PCDHGB1: variants seen among roughly 807,000 people sequenced by gnomAD.
The protein encoded by PCDHGB1 is protocadherin gamma-B1.
PCDHGB1 carries 34 observed loss-of-function variants against 56.6 expected under a neutral mutation model. That is an observed-to-expected ratio of 0.60 (90% CI 0.46 to 0.80). The LOEUF is 0.80. Among genes scored for constraint, PCDHGB1 ranks in the 30% least tolerant of loss-of-function variants. The probability of loss-of-function intolerance (pLI) is 0.00; values close to 1 mark genes in which losing one functional copy is unlikely to be tolerated. For missense variants in PCDHGB1, 1,278 were observed against 1,204.6 expected (o/e 1.06, Z -0.90); for synonymous variants, 561 against 505.9 (o/e 1.11, Z -1.46).
At chr5:141,366,037 A>G (rs1276608872) in intron 1 of PCDHGB1, 1 of 1,614,112 alleles carries the variant, frequency 6.2e-7, no homozygotes, top group African/African-American at 1.3e-5. Flanking sequence ...CCCTCCCCAC[A>G]GACGGTTCCA....
At chr5:141,368,798 C>T (rs1477388914) in intron 1 of PCDHGB1, among the ~76,000 whole-genome samples, 3 of 152,096 alleles carry the variant, frequency 2.0e-5, no homozygotes, top group Non-Finnish European at 4.4e-5. Flanking sequence ...ATTTTTCATA[C>T]TAATTGAAGT....
chr5:141,437,484 T>C (rs547317864), intron 1 of PCDHGB1, among the ~76,000 whole-genome samples: 2 of 152,332 alleles, frequency 1.3e-5, no homozygotes, highest in South Asian at 4.1e-4. Flanking sequence ...ATATTTAATC[T>C]CGTAGATCAC....
chr5:141,460,128 T>C (rs10051366), intron 1 of PCDHGB1, among the ~76,000 whole-genome samples: 42,386 of 151,808 alleles, frequency 0.28, 6,635 homozygotes, highest in African/African-American at 0.43. Context: ...ATATGTAATA[T>C]ATATATTCTT....
chr5:141,375,160 T>G (rs373409677), intron 1 of PCDHGB1: 1 of 1,613,854 alleles, frequency 6.2e-7, no homozygotes, highest in African/African-American at 1.3e-5. Flanking sequence ...TTGCTGAAAG[T>G]GCACCTCCAG....
Position 141,437,685 on chromosome 5 carries a change from G to A in PCDHGB1, c.2410-57122G>A, listed in dbSNP as rs116699614. ...GAAGAGATGTTGATCAAACTGATGA[G>A]GCTAAATCTCAAGAAAGAGACACAG... On this transcript the variant is annotated intron_variant, in intron 1 of 3. Coordinates refer to ENST00000523390, the MANE Select transcript of PCDHGB1 (RefSeq NM_018922.3). Among the ~76,000 whole-genome samples the A allele has an allele frequency of 1.0e-2, 1,519 of 151,976 alleles. 34 individuals carry two copies. The highest frequency in any genetic ancestry group is 0.034 in the African/African-American group (1,425 of 41,440).
Position 141,432,804 on chromosome 5 carries a change from C to T in PCDHGB1, c.2410-62003C>T, listed in dbSNP as rs1482036720. The T allele has an allele frequency of 1.2e-6, 2 of 1,614,182 alleles. No individual in the cohort carries two copies. Among genetic ancestry groups the T allele is most frequent in the Non-Finnish European group, 1.7e-6 (2 of 1,180,008 alleles). ...GACCTCGGCAGCCTCGAGTCTCCAG[C>T]TAACTCTGAAACCTCAGACCTCACT... is the stretch of plus-strand genomic sequence containing the variant. On this transcript the variant is annotated intron_variant, in intron 1 of 3. Transcript: ENST00000523390. This position sits in a 1 kb window ranked among gnomAD's most constrained non-coding sequence, Gnocchi z 6.0.
intron 1 of PCDHGB1, among the ~76,000 whole-genome samples, chr5:141,425,428 T>C (rs1037803701): frequency 1.3e-5 from 2 of 152,238 alleles, no homozygotes; most frequent in African/African-American, 4.8e-5. Context: ...TCCCATTAAA[T>C]AGAGGATAAA....
chr5:141,431,228 G>C lies in PCDHGB1; in HGVS notation c.2410-63579G>C, dbSNP rs772199359. The stretch of plus-strand genomic sequence containing the variant: ...TGAGATGCGGTTCCCTCTACCCCAC[G>C]CCTGGGATCCGGATATCGGGAAGAA... On this transcript the variant is annotated intron_variant, in intron 1 of 3. Coordinates refer to ENST00000523390, the MANE Select transcript of PCDHGB1 (RefSeq NM_018922.3). The surrounding 1 kb of genome is among the most constrained non-coding windows in gnomAD (Gnocchi z 4.8). The C allele has an allele frequency of 1.9e-6, 3 of 1,614,000 alleles. No individual in the cohort carries two copies. The African/African-American group carries it at 4.0e-5, about 22-fold the overall frequency.
intron 1 of PCDHGB1, chr5:141,422,764 G>A: frequency 1.2e-6 from 2 of 1,613,582 alleles, no homozygotes; most frequent in Non-Finnish European, 8.5e-7. Flanking sequence ...CTCCAACACT[G>A]GTGTTCTCTA....
rs141151122 is a variant in PCDHGB1, at chr5:141,491,445, C to T, written c.2410-3362C>T. ...GAGGGCAGTGCTGCAGGCGCCAGGA[C>T]TCACCCTCCCCGGACTTCTATAAGC... is the stretch of plus-strand genomic sequence containing the variant. On this transcript the variant is annotated intron_variant, in intron 1 of 3. Transcript: ENST00000523390. This position sits in a 1 kb window ranked among gnomAD's most constrained non-coding sequence, Gnocchi z 6.9. 1 of 1,614,112 alleles carries T rather than the reference C, an allele frequency of 6.2e-7. No individual in the cohort carries two copies. The highest frequency in any genetic ancestry group is 8.5e-7 in the Non-Finnish European group (1 of 1,180,032).
rs1423427104 is a variant in PCDHGB1, at chr5:141,417,737, C to T, written c.2409+65068C>T. 5 of 1,407,068 alleles carry T rather than the reference C, an allele frequency of 3.6e-6. No homozygotes were observed. In the African/African-American group the frequency reaches 7.2e-5, roughly 20 times the overall value. 87.2% of individuals were successfully genotyped at this position (1,407,068 alleles called of 1,614,324 possible). ...CCGGCTGCGCAGACCTTGCCCAGCA[C>T]ACCAGATTGCCAGCTCCGAGACCCG... is the stretch of plus-strand genomic sequence containing the variant. On this transcript the variant is annotated intron_variant, in intron 1 of 3. Transcript: ENST00000523390.
intron 1 of PCDHGB1, chr5:141,384,201 G>A (rs369190060): frequency 3.7e-6 from 6 of 1,613,802 alleles, no homozygotes; most frequent in Admixed American, 1.7e-5. Flanking sequence ...CCTTGTCCAG[G>A]GAAACTCACA....
At chr5:141,480,059 T>G (rs1169389701) in intron 1 of PCDHGB1, among the ~76,000 whole-genome samples, 1 of 152,096 alleles carries the variant, frequency 6.6e-6, no homozygotes, top group African/African-American at 2.4e-5. Context: ...GAATAATAAG[T>G]GTTTTATAAG....
chr5:141,359,616 T>A (rs1761268936), intron 1 of PCDHGB1, among the ~76,000 whole-genome samples: 2 of 152,006 alleles, frequency 1.3e-5, no homozygotes, highest in South Asian at 2.1e-4. Context: ...GAATATGGTA[T>A]GTTGTATGCT....
chr5:141,361,697 A>T, intron 1 of PCDHGB1: 1 of 1,613,448 alleles, frequency 6.2e-7, no homozygotes. Flanking sequence ...CGCGCCTTCG[A>T]TCATGAGCAG....
chr5:141,405,260 T>A, intron 1 of PCDHGB1: 1 of 1,614,140 alleles, frequency 6.2e-7, no homozygotes, highest in South Asian at 1.1e-5. Flanking sequence ...TCACCTGATC[T>A]TCCCCCAGCC....
intron 1 of PCDHGB1, among the ~76,000 whole-genome samples, chr5:141,483,255 G>T (rs1383670642): frequency 1.3e-5 from 2 of 152,030 alleles, no homozygotes; most frequent in African/African-American, 2.4e-5. Context: ...ATATCATGAG[G>T]TTTTTTTGTT....
chr5:141,383,578 C>A, intron 1 of PCDHGB1: 1 of 1,613,494 alleles, frequency 6.2e-7, no homozygotes, highest in Non-Finnish European at 8.5e-7. Flanking sequence ...CAGCACCGCC[C>A]ACATCCAGGT....
intron 1 of PCDHGB1, chr5:141,408,692 ATAAAC>A: frequency 1.2e-6 from 2 of 1,613,906 alleles, no homozygotes; most frequent in Non-Finnish European, 1.7e-6. Flanking sequence ...TGATATAAAC[ATAAAC>A]TCAATTAAAG....
Sources: allele counts gnomAD v4.1 joint callset (sites outside exome capture counted in the v4.1 genomes callset), GRCh38; gene constraint gnomAD v4.1.1; non-coding constraint Gnocchi (gnomAD v3.1); transcripts MANE v1.5; gene names NCBI Gene and HGNC (gene_info 2026-07-23, HGNC 2026-07-21).